Variants in TENM3 observed in about 807,000 individuals in gnomAD.
TENM3 encodes the protein teneurin transmembrane protein 3.
TENM3 carries 63 observed loss-of-function variants against 255.1 expected under a neutral mutation model. That is an observed-to-expected ratio of 0.25 (90% confidence interval 0.20 to 0.30). The LOEUF (loss-of-function observed/expected upper bound fraction) is 0.30. TENM3 is among the 10% of genes least tolerant of loss of function. The pLI is 1.00. For missense variants in TENM3, 2,929 were observed against 3,461.1 expected (o/e 0.85, Z 3.86); for synonymous variants, 1,306 against 1,322.3 (o/e 0.99, Z 0.27).
chr4:181,729,789 G>A, the TENM3 span, among the ~76,000 whole-genome samples: 1 of 152,156 alleles, frequency 6.6e-6, no homozygotes, highest in Non-Finnish European at 1.5e-5. Flanking sequence ...TCACTGCTAT[G>A]TACATTTTCC....
At chr4:182,250,059 T>C (rs913274886) in intron 1 of TENM3, among the ~76,000 whole-genome samples, 2 of 149,130 alleles carry the variant, frequency 1.3e-5, no homozygotes, top group South Asian at 2.1e-4. Flanking sequence ...TTTTTCTTTT[T>C]TTTTTTTTTT....
intron 22 of TENM3, among the ~76,000 whole-genome samples, chr4:182,760,099 T>C (rs1763030971): frequency 6.6e-6 from 1 of 152,198 alleles, no homozygotes; most frequent in South Asian, 2.1e-4. Flanking sequence ...ATTGACTTGC[T>C]GGGCTGTAGA....
At chr4:182,528,590 C>CA (rs1342491103) in intron 3 of TENM3, among the ~76,000 whole-genome samples, 12 of 151,978 alleles carry the variant, frequency 7.9e-5, no homozygotes, top group Non-Finnish European at 1.8e-4. Context: ...TTTATTCATG[C>CA]AAAAATGCTT....
At chr4:181,704,757 GC>G in the TENM3 span, among the ~76,000 whole-genome samples, 1 of 151,938 alleles carries the variant, frequency 6.6e-6, no homozygotes, top group African/African-American at 2.4e-5. Flanking sequence ...CCCTGGCAGG[GC>G]CCGGTGGCTC....
intron 3 of TENM3, among the ~76,000 whole-genome samples, chr4:182,502,189 G>A (rs1421091462): frequency 6.6e-6 from 1 of 152,112 alleles, no homozygotes; most frequent in Non-Finnish European, 1.5e-5. Context: ...ATTATATTCT[G>A]CTTAAACCCT....
chr4:181,510,731 G>A, the TENM3 span, among the ~76,000 whole-genome samples: 1 of 152,184 alleles, frequency 6.6e-6, no homozygotes, highest in Admixed American at 6.5e-5. Context: ...TGGGAGGTTC[G>A]TTTCTTAAAA....
the TENM3 span, among the ~76,000 whole-genome samples, chr4:181,786,216 G>A: frequency 1.3e-5 from 2 of 152,142 alleles, no homozygotes; most frequent in Non-Finnish European, 2.9e-5. Flanking sequence ...GACACTCTTT[G>A]TACCGTTATG....
At chr4:181,926,666 T>G in the TENM3 span, among the ~76,000 whole-genome samples, 22 of 152,068 alleles carry the variant, frequency 1.4e-4, no homozygotes, top group African/African-American at 5.3e-4. Flanking sequence ...AGAATAAAAA[T>G]AATTGCTTAT....
chr4:182,062,065 G>A, the TENM3 span, among the ~76,000 whole-genome samples: 2 of 152,154 alleles, frequency 1.3e-5, no homozygotes, highest in African/African-American at 4.8e-5. Context: ...GTTAGATTGA[G>A]CTTAAGTGTC....
At chr4:181,980,665 CT>C in the TENM3 span, among the ~76,000 whole-genome samples, 1 of 152,110 alleles carries the variant, frequency 6.6e-6, no homozygotes, top group Non-Finnish European at 1.5e-5. Flanking sequence ...ACTCACAGCT[CT>C]TTTTCCATGT....
intron 3 of TENM3, among the ~76,000 whole-genome samples, chr4:182,406,590 G>T (rs934088435): frequency 1.3e-5 from 2 of 152,182 alleles, no homozygotes; most frequent in African/African-American, 4.8e-5. Context: ...GACAAGTTTG[G>T]CTTTGTGCTT....
chr4:182,624,581 T>C (rs1013958636), intron 4 of TENM3, among the ~76,000 whole-genome samples: 2 of 152,158 alleles, frequency 1.3e-5, no homozygotes, highest in African/African-American at 4.8e-5. Flanking sequence ...CCCCTCAGGT[T>C]CTCCACCTGC....
intron 4 of TENM3, among the ~76,000 whole-genome samples, chr4:182,617,116 C>T (rs960812612): frequency 2.0e-5 from 3 of 152,052 alleles, no homozygotes; most frequent in Non-Finnish European, 4.4e-5. Context: ...ATTCACAATG[C>T]GTGGGTAATA....
At chr4:181,883,791 C>G in the TENM3 span, among the ~76,000 whole-genome samples, 1 of 152,132 alleles carries the variant, frequency 6.6e-6, no homozygotes, top group Non-Finnish European at 1.5e-5. Context: ...TTACATCCCA[C>G]AGTGAAATAA....
chr4:181,964,606 G>A, the TENM3 span, among the ~76,000 whole-genome samples: 1,550 of 150,964 alleles, frequency 0.01, 26 homozygotes, highest in South Asian at 0.061. Flanking sequence ...AAAAAAAATA[G>A]CCATTCTGAT....
At chr4:182,712,449 A>C (rs1361107437) in intron 12 of TENM3, among the ~76,000 whole-genome samples, 2 of 151,964 alleles carry the variant, frequency 1.3e-5, no homozygotes, top group East Asian at 1.9e-4. Flanking sequence ...AAAAAAAAAA[A>C]CACATCCATA....
chr4:182,659,984 C>T (rs547830787), intron 6 of TENM3, among the ~76,000 whole-genome samples: 4 of 152,332 alleles, frequency 2.6e-5, no homozygotes, highest in African/African-American at 9.6e-5. Context: ...TATATAGCTT[C>T]ATTGTGCCTA....
chr4:181,570,685 A>T, the TENM3 span, among the ~76,000 whole-genome samples: 1 of 151,120 alleles, frequency 6.6e-6, no homozygotes, highest in East Asian at 1.9e-4. Flanking sequence ...CAAGCAAGCA[A>T]GCTTCTGGTA....
chr4:181,521,121 G>A, the TENM3 span, among the ~76,000 whole-genome samples: 170 of 152,262 alleles, frequency 1.1e-3, no homozygotes, highest in African/African-American at 4.0e-3. Context: ...TAAATCAAAA[G>A]GCTTAATTTG....
Sources: allele counts gnomAD v4.1 joint callset (sites outside exome capture counted in the v4.1 genomes callset), GRCh38; gene constraint gnomAD v4.1.1; transcripts MANE v1.5; gene names NCBI Gene and HGNC (gene_info 2026-07-23, HGNC 2026-07-21).